The following SGO2 variants were observed in gnomAD, a reference collection of about 807,000 sequenced individuals.
SGO2 encodes the protein shugoshin 2.
In SGO2, 68 loss-of-function variants were observed where a neutral mutation model predicts 99.5. That is an observed-to-expected ratio of 0.68 (90% CI 0.56 to 0.84). SGO2 has a LOEUF of 0.84. Ranked by LOEUF, SGO2 falls within the 40% of genes least tolerant of loss-of-function variation. The pLI is 0.00. For missense variants in SGO2, 1,350 were observed against 1,436.7 expected (o/e 0.94, Z 0.97); for synonymous variants, 457 against 487.1 (o/e 0.94, Z 0.81).
chr2:200,560,435 T>C (rs1410288991), intron 5 of SGO2, among the ~76,000 whole-genome samples: 1 of 152,172 alleles, frequency 6.6e-6, no homozygotes, highest in Non-Finnish European at 1.5e-5. Context: ...AGCACCTTTC[T>C]TGCAAGCTGA....
intron 8 of SGO2, among the ~76,000 whole-genome samples, chr2:200,576,915 TG>T (rs1195008521): frequency 6.6e-6 from 1 of 152,226 alleles, no homozygotes; most frequent in African/African-American, 2.4e-5. Flanking sequence ...ATTGTGTAGA[TG>T]TACCACATTT....
Position 200,572,553 on chromosome 2 carries a change from A to G in SGO2, c.2207A>G (p.Glu736Gly), listed in dbSNP as rs755538715. 6.2e-7 allele frequency: 1 copy of G among 1,612,322 alleles called. No homozygotes were observed. Among genetic ancestry groups the G allele is most frequent in the Non-Finnish European group, 8.5e-7 (1 of 1,178,808 alleles). The part of the protein sequence containing the change: ...VNHLDNDKSI[E>G]YTVKSHSLFL... ...CATTTAGATAATGACAAAAGTATAG[A>G]ATACACAGTTAAAAGTCACTCACTC... Residue 736 changes from glutamate to glycine, a missense_variant, in exon 7 of 9, where the codon GAA becomes GGA. Glu to Gly is a moderately conservative substitution (Grantham distance 98, BLOSUM62 -2). Coordinates refer to ENST00000357799, the MANE Select transcript of SGO2 (RefSeq NM_152524.6).
chr2:200,547,063 C>A (rs1463715341), intron 5 of SGO2, among the ~76,000 whole-genome samples: 4 of 152,146 alleles, frequency 2.6e-5, no homozygotes, highest in Non-Finnish European at 5.9e-5. Context: ...AAGACAACTT[C>A]AAGGCATATA....
intron 5 of SGO2, among the ~76,000 whole-genome samples, chr2:200,564,168 G>T (rs929505132): frequency 3.3e-5 from 5 of 152,246 alleles, no homozygotes; most frequent in Admixed American, 6.5e-5. Flanking sequence ...GTCAATTTTA[G>T]ATCTTTCCTG....
chr2:200,544,488 G>C (rs2032115853), intron 5 of SGO2, among the ~76,000 whole-genome samples: 1 of 152,040 alleles, frequency 6.6e-6, no homozygotes, highest in Non-Finnish European at 1.5e-5. Context: ...TACCATGTTG[G>C]CCAGGCTGAT....
At chr2:200,576,199 A>G (rs1219436276) in intron 8 of SGO2, 3 of 253,022 alleles carry the variant, frequency 1.2e-5, no homozygotes, top group Non-Finnish European at 2.4e-5. Context: ...TAAAAGTGAA[A>G]TTAAGGACCA....
chr2:200,564,442 C>A (rs1248323223), intron 5 of SGO2, among the ~76,000 whole-genome samples: 2 of 152,192 alleles, frequency 1.3e-5, no homozygotes, highest in African/African-American at 4.8e-5. Context: ...GTTGTGATTT[C>A]TGTTCTTTTA....
chr2:200,572,538 A>G lies in SGO2; in HGVS notation c.2192A>G (p.Asn731Ser). 1.2e-6 allele frequency: 2 copies of G among 1,612,252 alleles called. No individual in the cohort carries two copies. The highest frequency in any genetic ancestry group is 1.7e-6 in the Non-Finnish European group (2 of 1,178,864). ...ATTTCTGAAGTGAATCATTTAGATA[A>G]TGACAAAAGTATAGAATACACAGTT... is the stretch of plus-strand genomic sequence containing the variant. ...EIISEVNHLD[N>S]DKSIEYTVKS... The change falls in exon 7 of 9, where the codon AAT (asparagine) becomes AGT (serine). Residue 731 changes from asparagine (N) to serine (S), a missense_variant. Transcript: ENST00000357799.
chr2:200,562,625 T>C (rs2033017240), intron 5 of SGO2, among the ~76,000 whole-genome samples: 1 of 152,220 alleles, frequency 6.6e-6, no homozygotes, highest in Non-Finnish European at 1.5e-5. Flanking sequence ...GGGATGGCAT[T>C]GAATCTATAA....
intron 5 of SGO2, chr2:200,542,884 T>G (rs1225335080): frequency 2.9e-6 from 1 of 348,008 alleles, no homozygotes; most frequent in East Asian, 4.6e-5. Flanking sequence ...AATGTCTTGC[T>G]ACTTTATAGT....
Position 200,573,123 on chromosome 2 carries a change from A to T in SGO2, c.2777A>T (p.Asp926Val), listed in dbSNP as rs1341655033. Residue 926 changes from aspartate to valine, a missense_variant, in exon 7 of 9, where the codon GAT becomes GTT. Physicochemically the swap from Asp to Val is radical, Grantham distance 152. Transcript: ENST00000357799. ...TCTGAAATGAACCAGATATATGAGG[A>T]TAATGATAAAGATGCACATGTCCAA... Reference protein sequence around the residue: ...IISEMNQIYEDNDKDAHVQES... With the variant: ...IISEMNQIYEVNDKDAHVQES... The T allele has an allele frequency of 6.3e-7, 1 of 1,592,262 alleles. No homozygotes were observed. The highest frequency in any genetic ancestry group is 2.2e-5 in the East Asian group (1 of 44,680).
intron 5 of SGO2, among the ~76,000 whole-genome samples, chr2:200,556,010 G>C (rs771612333): frequency 6.6e-6 from 1 of 152,092 alleles, no homozygotes; most frequent in African/African-American, 2.4e-5. Context: ...TGTCATCCAG[G>C]CTGGAGTGCA....
In SGO2 at chr2:200,571,663, G is replaced by T; in HGVS notation, c.1317G>T (p.Leu439=). The change falls in exon 7 of 9, where the codon CTG becomes CTT. Residue 439 remains leucine, a synonymous_variant. Coordinates refer to ENST00000357799, the MANE Select transcript of SGO2 (RefSeq NM_152524.6). ...IENRTERSDV[L]DGKRGAEDPG... is the part of the protein sequence containing the mutation. ...ACAGGACAGAAAGATCTGATGTCCT[G>T]GATGGCAAAAGGGGTGCAGAAGATC... The T allele has an allele frequency of 6.2e-7, 1 of 1,613,680 alleles. No homozygotes were observed. The highest frequency in any genetic ancestry group is 8.5e-7 in the Non-Finnish European group (1 of 1,179,718).
chr2:200,578,759 C>G (rs1395977542), intron 8 of SGO2, among the ~76,000 whole-genome samples: 1 of 152,128 alleles, frequency 6.6e-6, no homozygotes, highest in African/African-American at 2.4e-5. Flanking sequence ...CCAGTGGTCT[C>G]CTTGTTTATT....
Position 200,571,368 on chromosome 2 carries a change from A to AT in SGO2, c.1023dup (p.Ala342CysfsTer8), listed in dbSNP as rs2033415282. ...TCTTCTGAGTCTGCCAGAGAACCTA[A>AT]TGCAGAGTGCATGAATCAAATTGAG... On this transcript the variant is annotated frameshift_variant, in exon 7 of 9. Coordinates refer to ENST00000357799, the MANE Select transcript of SGO2 (RefSeq NM_152524.6). LOFTEE classifies it high-confidence loss of function. 6.2e-7 allele frequency: 1 copy of AT among 1,612,442 alleles called. No homozygotes were observed. The highest frequency in any genetic ancestry group is 8.5e-7 in the Non-Finnish European group (1 of 1,178,770).
chr2:200,581,190 A>G (rs2033832963), intron 8 of SGO2, among the ~76,000 whole-genome samples: 1 of 152,142 alleles, frequency 6.6e-6, no homozygotes, highest in African/African-American at 2.4e-5. Flanking sequence ...ATTCTCCATA[A>G]TCAAGGTCTA....
rs1191917785 is a variant in SGO2, at chr2:200,573,821, T to G, written c.3475T>G (p.Leu1159Val). 1.2e-6 allele frequency: 2 copies of G among 1,613,154 alleles called. No homozygotes were observed. Among genetic ancestry groups the G allele is most frequent in the Admixed American group, 3.3e-5 (2 of 59,950 alleles). ...TTCCTTTGACAGTGTTCGTGAAGGT[T>G]TAGTACCTTTGAGCGTTTCTTCTGG... Reference protein sequence around the residue: ...DSSFDSVREGLVPLSVSSGKN... With the variant: ...DSSFDSVREGVVPLSVSSGKN... The change falls in exon 7 of 9, where the codon TTA becomes GTA. Residue 1159 changes from leucine to valine, a missense_variant. Physicochemically the swap from Leu to Val is conservative, Grantham distance 32 (BLOSUM62 1). Transcript: ENST00000357799.
Position 200,573,535 on chromosome 2 carries a change from A to G in SGO2, c.3189A>G (p.Lys1063=). The change falls in exon 7 of 9, where the codon AAA becomes AAG. Residue 1063 remains lysine, a synonymous_variant. Transcript: ENST00000357799. ...KKDLPFVEEI[K]EGECQVKKVN... The stretch of plus-strand genomic sequence containing the variant: ...ATCTCCCTTTTGTGGAAGAAATAAA[A>G]GAAGGAGAGTGTCAGGTTAAAAAGG... The G allele has an allele frequency of 1.2e-6, 2 of 1,611,040 alleles. No homozygotes were observed. The highest frequency in any genetic ancestry group is 1.7e-6 in the Non-Finnish European group (2 of 1,178,964).
intron 8 of SGO2, among the ~76,000 whole-genome samples, chr2:200,577,080 A>C (rs58097644): frequency 0.14 from 20,804 of 149,494 alleles, 1,510 homozygotes; most frequent in African/African-American, 0.16. Flanking sequence ...GGAATTGCTG[A>C]GTCTGTTTAA....
Sources: gnomAD v4.1 joint callset for allele counts (sites outside exome capture counted in the v4.1 genomes callset) on GRCh38, gnomAD v4.1.1 for gene constraint, MANE v1.5 for transcripts, NCBI Gene and HGNC (gene_info 2026-07-23, HGNC 2026-07-21) for gene names.